AZI2: variants seen among roughly 807,000 people sequenced by gnomAD.
AZI2 encodes the protein 5-azacytidine-induced protein 2.
In AZI2, 22 loss-of-function variants were observed where a neutral mutation model predicts 45.8. The observed-to-expected ratio is 0.48, with a 90% CI of 0.34 to 0.69. AZI2 has a LOEUF of 0.69. AZI2 is among the 30% of genes least tolerant of loss of function. The pLI is 0.01. For missense variants in AZI2, 417 were observed against 441.5 expected (o/e 0.94, Z 0.50); for synonymous variants, 137 against 156.7 (o/e 0.87, Z 0.94).
intron 1 of AZI2, among the ~76,000 whole-genome samples, chr3:28,342,181 A>G (rs1577140211): frequency 6.6e-6 from 1 of 152,178 alleles, no homozygotes; most frequent in African/African-American, 2.4e-5. Context: ...AAAACTTCCA[A>G]TTGTCAACTA....
intron 3 of AZI2, 78 bp from the exon 4 acceptor site, chr3:28,338,114 TG>T: frequency 1.4e-6 from 1 of 733,846 alleles, no homozygotes; most frequent in Non-Finnish European, 2.0e-6. Flanking sequence ...AGGAAGATAC[TG>T]AAAAAAACAC....
At chr3:28,328,225 C>T (rs969740266) in intron 6 of AZI2, among the ~76,000 whole-genome samples, 4 of 151,028 alleles carry the variant, frequency 2.6e-5, no homozygotes, top group African/African-American at 7.3e-5. Flanking sequence ...TTAACCATGT[C>T]TACTTCACCA....
Position 28,322,746 on chromosome 3 carries a change from TAA to T in AZI2, c.*1294_*1295del, listed in dbSNP as rs1703225158. On this transcript the variant is annotated 3_prime_UTR_variant, in exon 8 of 8. Transcript: ENST00000479665. ...TCCATTAATCACAGACAAGCTTGAA[TAA>T]GTGTAAGATAATAGAAAAAAATATC... 6.6e-6 allele frequency: 1 copy of T among 151,570 alleles called. No homozygotes were observed. The highest frequency in any genetic ancestry group is 1.5e-5 in the Non-Finnish European group (1 of 67,408). The allele number at this position is 151,570 out of a possible 1,614,324, so 9.4% of individuals were successfully genotyped here.
intron 2 of AZI2, among the ~76,000 whole-genome samples, chr3:28,338,825 A>G (rs1037006220): frequency 6.6e-6 from 1 of 152,196 alleles, no homozygotes; most frequent in Non-Finnish European, 1.5e-5. Flanking sequence ...ATGCTTTTAC[A>G]TAATCAGTAT....
intron 1 of AZI2, among the ~76,000 whole-genome samples, chr3:28,343,591 C>T (rs2125668773): frequency 6.6e-6 from 1 of 151,686 alleles, no homozygotes. Context: ...TAAATGTTTA[C>T]AAACATTATC....
Position 28,324,382 on chromosome 3 carries a change from G to A in AZI2, c.839C>T (p.Ala280Val). The A allele has an allele frequency of 1.3e-6, 2 of 1,566,106 alleles. No individual in the cohort carries two copies. The highest frequency in any genetic ancestry group is 1.7e-6 in the Non-Finnish European group (2 of 1,155,788). ...STKLHLMNFT[A>V]TYTRHPPLLP... is the part of the protein sequence containing the mutation. Reference sequence around the variant, plus strand: ...GAGAGGGGGATGTCTTGTGTATGTTGCAGTAAAATTCATCAAGTGCAGTTT... The same window carrying A: ...GAGAGGGGGATGTCTTGTGTATGTTACAGTAAAATTCATCAAGTGCAGTTT... The change falls in exon 8 of 8, where the codon GCA becomes GTA. Residue 280 changes from alanine (A) to valine (V), a missense_variant. Transcript: ENST00000479665.
intron 2 of AZI2, 107 bp from the exon 3 acceptor site, chr3:28,338,722 T>C: frequency 2.0e-6 from 2 of 1,022,934 alleles, no homozygotes; most frequent in South Asian, 4.5e-5. Context: ...AATAAGGGGA[T>C]AAAGCCTGGA....
At chr3:28,327,233 G>C (rs1451110800) in intron 6 of AZI2, among the ~76,000 whole-genome samples, 2 of 151,074 alleles carry the variant, frequency 1.3e-5, no homozygotes, top group African/African-American at 4.8e-5. Context: ...TCTCAGAACT[G>C]AGATTTCATT....
intron 1 of AZI2, among the ~76,000 whole-genome samples, chr3:28,344,472 T>C (rs1481050445): frequency 2.6e-5 from 4 of 152,054 alleles, no homozygotes; most frequent in African/African-American, 2.4e-5. Flanking sequence ...TTTGGTGTTA[T>C]TGCTACGCAA....
chr3:28,337,725 C>A (rs894754610), intron 4 of AZI2, among the ~76,000 whole-genome samples: 1 of 152,050 alleles, frequency 6.6e-6, no homozygotes, highest in South Asian at 2.1e-4. Context: ...AAAACCATCA[C>A]ATTTTCTCTA....
chr3:28,337,299 T>C (rs1407521915), intron 4 of AZI2, among the ~76,000 whole-genome samples: 1 of 152,148 alleles, frequency 6.6e-6, no homozygotes. Flanking sequence ...AACATTCCAC[T>C]GCAGAAACTC....
chr3:28,331,859 T>TAC, intron 6 of AZI2: 1 of 1,547,540 alleles, frequency 6.5e-7, no homozygotes, highest in Non-Finnish European at 8.7e-7. Flanking sequence ...CTCTGATGGC[T>TAC]ACTTCTATTC....
At chr3:28,336,501 C>T (rs1376579015) in intron 5 of AZI2, among the ~76,000 whole-genome samples, 1 of 151,836 alleles carries the variant, frequency 6.6e-6, no homozygotes, top group East Asian at 1.9e-4. Flanking sequence ...TACTAAAAAT[C>T]AACCTTTTAA....
chr3:28,339,136 C>T (rs867404853), intron 2 of AZI2, among the ~76,000 whole-genome samples: 6 of 151,956 alleles, frequency 3.9e-5, no homozygotes, highest in Admixed American at 3.9e-4. Context: ...CACCACCACG[C>T]CCTGCTAATT....
At chr3:28,337,511 A>G (rs773126298) in intron 4 of AZI2, among the ~76,000 whole-genome samples, 16 of 152,092 alleles carry the variant, frequency 1.1e-4, no homozygotes, top group Non-Finnish European at 1.9e-4. Context: ...TTCCACCCCA[A>G]CATTTCATCT....
intron 6 of AZI2, among the ~76,000 whole-genome samples, chr3:28,331,247 G>T (rs573027579): frequency 3.2e-4 from 49 of 151,228 alleles, no homozygotes; most frequent in Non-Finnish European, 5.9e-4. Context: ...AAACTGATTA[G>T]AAGTGGCTTA....
rs537206377 is a variant in AZI2 at position 28,336,393 on chromosome 3, T to A, written c.588+344A>T. 3.3e-5 allele frequency among the ~76,000 whole-genome samples: 5 copies of A among 152,134 alleles called. No individual in the cohort carries two copies. In the East Asian group the frequency reaches 9.6e-4, roughly 29 times the overall value. On this transcript the variant is annotated intron_variant, in intron 5 of 7. Coordinates refer to ENST00000479665, the MANE Select transcript of AZI2 (RefSeq NM_022461.5). Reference sequence around the variant, plus strand: ...TTAATGAAACTATTAAGTAAAATAATATAGGACTTAAAACCTGAGTTCTCT... The same window carrying A: ...TTAATGAAACTATTAAGTAAAATAAAATAGGACTTAAAACCTGAGTTCTCT...
intron 4 of AZI2, among the ~76,000 whole-genome samples, chr3:28,337,580 T>A (rs1703843861): frequency 6.6e-6 from 1 of 152,148 alleles, no homozygotes; most frequent in Admixed American, 6.6e-5. Context: ...CAGCAGTGTG[T>A]TTAACTGTGG....
intron 1 of AZI2, among the ~76,000 whole-genome samples, chr3:28,343,587 T>C (rs1400661467): frequency 6.6e-6 from 1 of 151,970 alleles, no homozygotes; most frequent in Non-Finnish European, 1.5e-5. Context: ...ATGCTAAATG[T>C]TTACAAACAT....
Sources: gnomAD v4.1 joint callset for allele counts (sites outside exome capture counted in the v4.1 genomes callset) on GRCh38, gnomAD v4.1.1 for gene constraint, MANE v1.5 for transcripts, NCBI Gene and HGNC (gene_info 2026-07-23, HGNC 2026-07-21) for gene names.